The following DMD variants were observed in gnomAD, a reference collection of about 807,000 sequenced individuals.
DMD encodes the protein dystrophin.
In DMD, 63 loss-of-function variants were observed where a neutral mutation model predicts 330.1. The observed-to-expected ratio is 0.19, with a 90% confidence interval of 0.16 to 0.24. The LOEUF is 0.24. Ranked by LOEUF, DMD falls within the 10% of genes least tolerant of loss-of-function variation. The pLI is 1.00. For synonymous variants in DMD, 1,223 were observed against 959.8 expected, an observed-to-expected ratio of 1.27 and a Z score of -5.07; for missense variants, 3,344 against 2,684.1, an observed-to-expected ratio of 1.25 and a Z score of -5.43.
intron 28 of DMD, among the ~76,000 whole-genome samples, chrX:32,438,651 G>T (rs944421365): frequency 1.8e-5 from 2 of 111,402 alleles, no homozygotes; most frequent in African/African-American, 6.5e-5. Context: ...TTTCCTTGAC[G>T]TCCCCTAACT....
At chrX:31,618,756 G>A (rs924407368) in intron 55 of DMD, among the ~76,000 whole-genome samples, 2 of 111,576 alleles carry the variant, frequency 1.8e-5, no homozygotes, top group Admixed American at 9.5e-5. Context: ...ATTTTTGAGC[G>A]CCGACATGAT....
intron 2 of DMD, among the ~76,000 whole-genome samples, chrX:32,913,430 A>T (rs948143297): frequency 1.8e-5 from 2 of 112,334 alleles, no homozygotes; most frequent in African/African-American, 3.2e-5. Flanking sequence ...AAAACAGGCT[A>T]TAGGGCTTTT....
At chrX:32,457,288 G>C (rs368969287) in intron 25 of DMD, among the ~76,000 whole-genome samples, 3 of 111,137 alleles carry the variant, frequency 2.7e-5, no homozygotes, top group African/African-American at 6.5e-5. Context: ...AGTTTGATTA[G>C]CTCTCTTAAT....
At chrX:32,160,277 G>A (rs2096844777) in intron 44 of DMD, among the ~76,000 whole-genome samples, 1 of 107,199 alleles carries the variant, frequency 9.3e-6, no homozygotes, top group Admixed American at 1.0e-4. Context: ...TCTGTCATGT[G>A]GGCTGGAGTG....
chrX:32,088,485 C>A (rs1475624562), intron 44 of DMD, among the ~76,000 whole-genome samples: 2 of 99,010 alleles, frequency 2.0e-5, no homozygotes, highest in African/African-American at 7.8e-5. Context: ...AGAGGCTGTT[C>A]TATGAAGCGA....
chrX:32,857,379 A>C (rs2081661223), intron 2 of DMD, among the ~76,000 whole-genome samples: 1 of 112,040 alleles, frequency 8.9e-6, no homozygotes, highest in South Asian at 3.7e-4. Context: ...TTCATATCTA[A>C]CCTGGAATAA....
At chrX:31,789,402 T>G (rs1156772579) in intron 50 of DMD, among the ~76,000 whole-genome samples, 1 of 111,845 alleles carries the variant, frequency 8.9e-6, no homozygotes, top group African/African-American at 3.2e-5. Context: ...TCACAACCTA[T>G]ATCTTCTTTA....
chrX:32,959,314 C>A (rs947212821), intron 2 of DMD, among the ~76,000 whole-genome samples: 1 of 111,388 alleles, frequency 9.0e-6, no homozygotes, highest in Admixed American at 9.5e-5. Flanking sequence ...CAGAATCCAA[C>A]TCTTAATAGC....
In DMD at chrX:32,525,038, G is replaced by T. The variant is rs183750512; in HGVS notation, c.2169-6907C>A. Among the ~76,000 whole-genome samples, 310 of 112,009 alleles carry T rather than the reference G, an allele frequency of 2.8e-3. 1 individual carries two copies. The highest frequency in any genetic ancestry group is 4.3e-3 in the Admixed American group (46 of 10,594). The stretch of plus-strand genomic sequence containing the variant: ...TAATGAGTTTGGACTCTTCTCACCT[G>T]TTGGAGTTCTTCCCTTTCATTTCTA... On this transcript the variant is annotated intron_variant, in intron 17 of 78. Coordinates refer to ENST00000357033, the MANE Select transcript of DMD (RefSeq NM_004006.3).
intron 1 of DMD, among the ~76,000 whole-genome samples, chrX:33,169,476 A>C (rs976122526): frequency 1.8e-5 from 2 of 111,577 alleles, no homozygotes; most frequent in African/African-American, 6.5e-5. Context: ...CCAATGACTT[A>C]GACAATCCAT....
In DMD at chrX:31,444,566, C is replaced by A. The variant is rs772695216; in HGVS notation, c.8999G>T (p.Arg3000Leu). 4.1e-6 allele frequency: 5 copies of A among 1,211,389 alleles called. No homozygotes were observed. Among genetic ancestry groups the A allele is most frequent in the Middle Eastern group, 2.3e-4 (1 of 4,354 alleles). ...ENVSHVNDLARQLTTLGIQLS... is the reference protein window; with the variant it reads ...ENVSHVNDLALQLTTLGIQLS... The stretch of plus-strand genomic sequence containing the variant: ...CTGAATGCCCAAAGTGGTAAGCTGG[C>A]GAGCAAGGTCATTGACGTGGCTCAC... Residue 3000 changes from arginine to leucine, a missense_variant, in exon 60 of 79, where the codon CGC becomes CTC. Arg to Leu is a moderately radical substitution (Grantham distance 102). Coordinates refer to ENST00000357033, the MANE Select transcript of DMD (RefSeq NM_004006.3).
intron 1 of DMD, among the ~76,000 whole-genome samples, chrX:33,071,811 A>T: frequency 9.0e-6 from 1 of 111,513 alleles, no homozygotes; most frequent in Middle Eastern, 4.7e-3. Flanking sequence ...CCATAGACAC[A>T]CTCTTTTGCA....
At chrX:31,723,068 TG>T in intron 52 of DMD, among the ~76,000 whole-genome samples, 1 of 104,232 alleles carries the variant, frequency 9.6e-6, no homozygotes, top group Non-Finnish European at 2.0e-5. Flanking sequence ...TATTATTCAG[TG>T]TGTGTCTAAA....
At chrX:31,462,536 T>C (rs2056729119) in intron 59 of DMD, among the ~76,000 whole-genome samples, 1 of 111,612 alleles carries the variant, frequency 9.0e-6, no homozygotes, top group South Asian at 3.8e-4. Context: ...GGGCTTGCTC[T>C]CTCTCTGGAT....
intron 63 of DMD, among the ~76,000 whole-genome samples, chrX:31,244,586 A>G (rs2048653891): frequency 8.9e-6 from 1 of 111,919 alleles, no homozygotes; most frequent in Non-Finnish European, 1.9e-5. Flanking sequence ...TTTTTTTACA[A>G]AAGTGGTACC....
chrX:32,868,699 T>G (rs1410732752), intron 2 of DMD, among the ~76,000 whole-genome samples: 1 of 112,432 alleles, frequency 8.9e-6, no homozygotes, highest in Non-Finnish European at 1.9e-5. Context: ...AGGGCCTGCT[T>G]GCAGGAATTC....
At chrX:33,183,661 A>G (rs2050105948) in intron 1 of DMD, among the ~76,000 whole-genome samples, 1 of 111,406 alleles carries the variant, frequency 9.0e-6, no homozygotes, top group African/African-American at 3.3e-5. Context: ...GTGGTCACCA[A>G]GTCACCTGTG....
intron 50 of DMD, among the ~76,000 whole-genome samples, chrX:31,816,005 T>G (rs1405307902): frequency 8.9e-6 from 1 of 112,093 alleles, no homozygotes; most frequent in Non-Finnish European, 1.9e-5. Flanking sequence ...TTAGACCATC[T>G]AGCTCCTGTT....
rs765746200 is a variant in DMD at position 31,356,625 on chromosome X, G to A, written c.9085-7991C>T. ...GAACAAAACAGCAAGCTCTTTGTCC[G>A]TTGTTAAGCCTTTAATCTTTCACCT... On this transcript the variant is annotated intron_variant, in intron 60 of 78. Coordinates refer to ENST00000357033, the MANE Select transcript of DMD (RefSeq NM_004006.3). Among the ~76,000 whole-genome samples, 11 of 112,175 alleles carry A rather than the reference G, an allele frequency of 9.8e-5. No homozygotes were observed. In the South Asian group the frequency reaches 3.4e-3, roughly 35 times the overall value.
Sources: gnomAD v4.1 joint callset for allele counts (sites outside exome capture counted in the v4.1 genomes callset) on GRCh38, gnomAD v4.1.1 for gene constraint, MANE v1.5 for transcripts, NCBI Gene and HGNC (gene_info 2026-07-23, HGNC 2026-07-21) for gene names.